Variants in UNC5D observed in about 807,000 individuals in gnomAD.
UNC5D encodes the protein unc-5 netrin receptor D.
A neutral mutation model predicts 105.4 loss-of-function variants in UNC5D; 39 were observed. The observed-to-expected ratio is 0.37, with a 90% CI of 0.29 to 0.48. The LOEUF (loss-of-function observed/expected upper bound fraction) is 0.48, where lower values mean the gene tolerates loss of function less well. UNC5D is among the 20% of genes least tolerant of loss of function. UNC5D has a pLI of 0.98. For missense variants in UNC5D, 991 were observed against 1,202.4 expected, an observed-to-expected ratio of 0.82 and a Z score of 2.60; for synonymous variants, 452 against 450.4, an observed-to-expected ratio of 1.00 and a Z score of -0.04.
At chr8:35,516,201 C>G (rs1451410632) in intron 1 of UNC5D, among the ~76,000 whole-genome samples, 1 of 152,114 alleles carries the variant, frequency 6.6e-6, no homozygotes, top group Non-Finnish European at 1.5e-5. Context: ...TCTTGGACCA[C>G]TTCATAGACA....
At chr8:35,619,225 G>T (rs940623642) in intron 4 of UNC5D, among the ~76,000 whole-genome samples, 3 of 152,254 alleles carry the variant, frequency 2.0e-5, no homozygotes, top group East Asian at 3.9e-4. Context: ...GTTGGCCAGG[G>T]TGATCAACCA....
chr8:35,454,982 A>T (rs1808390044), intron 1 of UNC5D, among the ~76,000 whole-genome samples: 2 of 152,154 alleles, frequency 1.3e-5, no homozygotes, highest in African/African-American at 4.8e-5. Flanking sequence ...TAATCAACAC[A>T]CATTTGTTGA....
Position 35,235,966 on chromosome 8 carries a change from G to A in UNC5D, c.103+79G>A, listed in dbSNP as rs143055113. 666 of 1,177,890 alleles carry A rather than the reference G, an allele frequency of 5.7e-4. 6 individuals are homozygous for A. The African/African-American group carries it at 9.4e-3, about 17-fold the overall frequency. 73.0% of individuals were successfully genotyped at this position (1,177,890 alleles called of 1,614,324 possible). A position where few individuals can be genotyped will look rare whatever the true frequency, so the allele number is the denominator to read the frequency against. ...TGACGGAGCGGGACCTGCACCGATG[G>A]CGTTGGCTTCCCAACTTGCGCCCTG... On this transcript the variant is annotated intron_variant, in intron 1 of 16. Coordinates refer to ENST00000404895, the MANE Select transcript of UNC5D (RefSeq NM_080872.4).
chr8:35,537,287 C>T (rs914892773), intron 1 of UNC5D, among the ~76,000 whole-genome samples: 1 of 152,126 alleles, frequency 6.6e-6, no homozygotes, highest in African/African-American at 2.4e-5. Flanking sequence ...CAATAACTAA[C>T]AAATATCTCA....
At chr8:35,239,932 C>A (rs902336265) in intron 1 of UNC5D, among the ~76,000 whole-genome samples, 4 of 146,880 alleles carry the variant, frequency 2.7e-5, no homozygotes, top group African/African-American at 1.0e-4. Flanking sequence ...TCTCTTTTCT[C>A]TTTTCTTTTC....
At chr8:35,538,395 TTATATATATATATATA>T (rs10524805) in intron 1 of UNC5D, among the ~76,000 whole-genome samples, 1,658 of 82,398 alleles carry the variant, frequency 0.02, 41 homozygotes, top group East Asian at 0.13. Context: ...AAAAAAATAA[TTATATATATATATATA>T]TATATATATA....
Position 35,767,079 on chromosome 8 carries a change from T to C in UNC5D, c.2478+13T>C. ...ATCAATCCTAGAGGTGAGTCCTTGATCTACAGGTCATTTGACCCCCTTTCT... is the reference window on the plus strand; with the variant it reads ...ATCAATCCTAGAGGTGAGTCCTTGACCTACAGGTCATTTGACCCCCTTTCT... On this transcript the variant is annotated intron_variant, in intron 15 of 16. Transcript: ENST00000404895. 6.2e-7 allele frequency: 1 copy of C among 1,601,456 alleles called. No individual in the cohort carries two copies. Among genetic ancestry groups the C allele is most frequent in the Middle Eastern group, 1.7e-4 (1 of 5,992 alleles).
chr8:35,524,705 G>T (rs891377022), intron 1 of UNC5D, among the ~76,000 whole-genome samples: 1 of 150,410 alleles, frequency 6.6e-6, no homozygotes, highest in Non-Finnish European at 1.5e-5. Flanking sequence ...AATTTAAAGT[G>T]AGACGTTTGC....
intron 1 of UNC5D, among the ~76,000 whole-genome samples, chr8:35,292,832 T>C (rs1190758340): frequency 1.3e-5 from 2 of 149,262 alleles, no homozygotes; most frequent in African/African-American, 4.9e-5. Context: ...TTCTCCTGCC[T>C]CAGCTCCCTG....
chr8:35,346,448 G>T (rs1202365320), intron 1 of UNC5D, among the ~76,000 whole-genome samples: 3 of 151,868 alleles, frequency 2.0e-5, no homozygotes, highest in Admixed American at 6.6e-5. Context: ...TTCAATACAT[G>T]GTTGCACAGT....
intron 9 of UNC5D, among the ~76,000 whole-genome samples, chr8:35,722,701 C>G (rs1392006848): frequency 6.6e-6 from 1 of 152,014 alleles, no homozygotes; most frequent in Non-Finnish European, 1.5e-5. Flanking sequence ...TAAAAAAGTC[C>G]TTTTGAGGAT....
chr8:35,782,710 G>A (rs1802560086), intron 16 of UNC5D, among the ~76,000 whole-genome samples: 1 of 151,900 alleles, frequency 6.6e-6, no homozygotes, highest in African/African-American at 2.4e-5. Context: ...TCACCATGTT[G>A]GCCAGGCTAG....
Position 35,606,563 on chromosome 8 carries a change from C to T in UNC5D, c.570+10906C>T, listed in dbSNP as rs559803370. 2.6e-5 allele frequency among the ~76,000 whole-genome samples: 4 copies of T among 152,258 alleles called. No individual in the cohort carries two copies. The East Asian group carries it at 7.8e-4, about 30-fold the overall frequency. ...GTACCCCACAGGTAGCTTCTTGATC[C>T]TCTTCCTCCTCCCACCCTCTCCCCT... On this transcript the variant is annotated intron_variant, in intron 4 of 16. Transcript: ENST00000404895.
intron 4 of UNC5D, among the ~76,000 whole-genome samples, chr8:35,607,701 T>A (rs1820394938): frequency 6.6e-6 from 1 of 152,112 alleles, no homozygotes; most frequent in Non-Finnish European, 1.5e-5. Context: ...GATGGGCACA[T>A]TTTTGTAAAG....
chr8:35,410,571 T>C (rs1805101737), intron 1 of UNC5D, among the ~76,000 whole-genome samples: 1 of 152,074 alleles, frequency 6.6e-6, no homozygotes, highest in Non-Finnish European at 1.5e-5. Context: ...AAAGAACATC[T>C]CTTTCAGTGA....
chr8:35,724,023 C>T (rs752727088), intron 9 of UNC5D: 12 of 772,532 alleles, frequency 1.6e-5, no homozygotes, highest in African/African-American at 7.1e-5. Flanking sequence ...ACAAATGCAG[C>T]GAATAGAGTT....
chr8:35,575,943 A>G (rs970205348), intron 3 of UNC5D, among the ~76,000 whole-genome samples: 2 of 152,124 alleles, frequency 1.3e-5, no homozygotes. Context: ...TTCACTAGCC[A>G]AGATGCACAC....
intron 1 of UNC5D, among the ~76,000 whole-genome samples, chr8:35,278,823 C>T (rs1805952896): frequency 6.6e-6 from 1 of 152,144 alleles, no homozygotes; most frequent in Admixed American, 6.5e-5. Flanking sequence ...AATCTCTACA[C>T]TTATTCATCC....
chr8:35,573,676 T>C (rs1817901861), intron 3 of UNC5D, among the ~76,000 whole-genome samples: 2 of 152,212 alleles, frequency 1.3e-5, no homozygotes, highest in African/African-American at 4.8e-5. Context: ...ATAGCTTTCC[T>C]TTCTGATTCT....
Sources: gnomAD v4.1 joint callset for allele counts (sites outside exome capture counted in the v4.1 genomes callset) on GRCh38, gnomAD v4.1.1 for gene constraint, MANE v1.5 for transcripts, NCBI Gene and HGNC (gene_info 2026-07-23, HGNC 2026-07-21) for gene names.